ELSPBP1: variants seen among roughly 807,000 people sequenced by gnomAD.
The protein encoded by ELSPBP1 is epididymal sperm-binding protein 1.
Under a neutral mutation model 33.3 loss-of-function variants are expected in ELSPBP1, and 38 were observed. The observed-to-expected ratio is 1.14, with a 90% CI of 0.88 to 1.50. ELSPBP1 has a LOEUF of 1.50. Ranked by LOEUF, ELSPBP1 falls within the 40% of genes most tolerant of loss-of-function variation. The pLI is 0.00. For synonymous variants in ELSPBP1, 85 were observed against 94.1 expected (o/e 0.90, Z 0.56); for missense variants, 267 against 263.5 (o/e 1.01, Z -0.09).
chr19:48,007,591 G>A (rs1311691545), intron 1 of ELSPBP1, among the ~76,000 whole-genome samples: 1 of 152,216 alleles, frequency 6.6e-6, no homozygotes, highest in South Asian at 2.1e-4. Context: ...ATGGTCATCT[G>A]TCATCAAGGA....
rs78236830 is a variant in ELSPBP1, at chr19:48,017,240, G to A, written c.355+1201G>A. On this transcript the variant is annotated intron_variant, in intron 4 of 6. Coordinates refer to ENST00000339841, the MANE Select transcript of ELSPBP1 (RefSeq NM_022142.5). Reference sequence around the variant, plus strand: ...CAAAGATGTGTGAAGGCAGTTATTCGTAGGCATGCTTACTCTTGCGTAAAA... The same window carrying A: ...CAAAGATGTGTGAAGGCAGTTATTCATAGGCATGCTTACTCTTGCGTAAAA... Among the ~76,000 whole-genome samples the A allele has an allele frequency of 1.5e-3, 234 of 151,948 alleles. 2 individuals carry two copies. The East Asian group carries it at 0.031, about 20-fold the overall frequency.
chr19:48,020,983 T>C (rs1013997566), intron 5 of ELSPBP1, among the ~76,000 whole-genome samples: 1 of 152,170 alleles, frequency 6.6e-6, no homozygotes, highest in Non-Finnish European at 1.5e-5. Flanking sequence ...CAGCTGGTCA[T>C]GGGAGATGTG....
rs750126428 is a variant in ELSPBP1, at chr19:48,019,759, C to G, written c.396C>G (p.Pro132=). 1.2e-6 allele frequency: 2 copies of G among 1,614,038 alleles called. No homozygotes were observed. Among genetic ancestry groups the G allele is most frequent in the Non-Finnish European group, 1.7e-6 (2 of 1,179,992 alleles). The change falls in exon 5 of 7, where the codon CCC becomes CCG. Residue 132 remains proline (P), a synonymous_variant. Transcript: ENST00000339841. ...GNSLRKPCIF[P]SIYRNNVVSD... ...CTCTCAGGAAGCCCTGCATCTTCCC[C>G]TCCATCTACAGAAATAATGTGGTCT... is the stretch of plus-strand genomic sequence containing the variant.
chr19:48,009,991 T>TTTTG (rs1454244582), intron 2 of ELSPBP1, among the ~76,000 whole-genome samples: 5 of 152,100 alleles, frequency 3.3e-5, no homozygotes, highest in African/African-American at 9.7e-5. Flanking sequence ...GGAGAGGGTT[T>TTTTG]TTTGTTTGTT....
At chr19:47,998,337 G>A (rs950705145) in intron 1 of ELSPBP1, among the ~76,000 whole-genome samples, 4 of 151,830 alleles carry the variant, frequency 2.6e-5, no homozygotes, top group Admixed American at 2.0e-4. Flanking sequence ...GCTTGAACCG[G>A]GGGACAGAGG....
intron 1 of ELSPBP1, among the ~76,000 whole-genome samples, chr19:48,008,099 G>A (rs374312476): frequency 6.6e-6 from 1 of 152,250 alleles, no homozygotes; most frequent in African/African-American, 2.4e-5. Context: ...AGATGGTAGT[G>A]CCTGCTACAC....
chr19:48,001,693 C>G (rs1966969718), intron 1 of ELSPBP1, among the ~76,000 whole-genome samples: 2 of 151,918 alleles, frequency 1.3e-5, no homozygotes, highest in African/African-American at 4.8e-5. Context: ...CAGGCATGTG[C>G]CACCATGCTA....
At chr19:48,009,976 T>C (rs1383814532) in intron 2 of ELSPBP1, among the ~76,000 whole-genome samples, 1 of 152,142 alleles carries the variant, frequency 6.6e-6, no homozygotes, top group Non-Finnish European at 1.5e-5. Context: ...CTGGAGGACC[T>C]TGGAGGAGAG....
chr19:48,005,275 T>C (rs1047283789), intron 1 of ELSPBP1, among the ~76,000 whole-genome samples: 2 of 151,714 alleles, frequency 1.3e-5, no homozygotes, highest in African/African-American at 4.8e-5. Context: ...GGAGAGAGGC[T>C]GGAGGCTGCA....
chr19:47,999,387 C>CT (rs397937280), intron 1 of ELSPBP1, among the ~76,000 whole-genome samples: 24,856 of 129,682 alleles, frequency 0.19, 2,854 homozygotes, highest in Non-Finnish European at 0.23. Flanking sequence ...AGCCTCATTT[C>CT]TTTTTTTTTT....
chr19:47,996,533 G>T (rs1362953998), intron 1 of ELSPBP1, among the ~76,000 whole-genome samples: 1 of 152,110 alleles, frequency 6.6e-6, no homozygotes, highest in South Asian at 2.1e-4. Context: ...TGGGTGGAAG[G>T]ATGAATGGGT....
In ELSPBP1 at chr19:47,995,510, A is replaced by G. The variant is rs1568401739; in HGVS notation, c.-18+699A>G. Among the ~76,000 whole-genome samples the G allele has an allele frequency of 2.6e-5, 4 of 152,320 alleles. No individual in the cohort carries two copies. In the South Asian group the frequency reaches 8.3e-4, roughly 32 times the overall value. On this transcript the variant is annotated intron_variant, in intron 1 of 6. Transcript: ENST00000339841. ...CTATTTTAGGAAAAAGAAAGTTGAGATTCAAAAAGAGCTTACTGAGATCCT... is the reference window on the plus strand; with the variant it reads ...CTATTTTAGGAAAAAGAAAGTTGAGGTTCAAAAAGAGCTTACTGAGATCCT...
Position 48,011,500 on chromosome 19 carries a change from TAATGATGATGAC to T in ELSPBP1, c.71-2653_71-2642del, listed in dbSNP as rs1202937021. On this transcript the variant is annotated intron_variant, in intron 2 of 6. Transcript: ENST00000339841. This position sits in a 1 kb window ranked among gnomAD's most constrained non-coding sequence, Gnocchi z 4.5. The stretch of plus-strand genomic sequence containing the variant: ...GGTTGATGATAATGACAATGACTGA[TAATGATGATGAC>T]AATGATGATGACAATGACTGATAAT... 5.3e-5 allele frequency among the ~76,000 whole-genome samples: 8 copies of T among 151,664 alleles called. No individual in the cohort carries two copies. The highest frequency in any genetic ancestry group is 1.3e-4 in the Admixed American group (2 of 15,238).
chr19:48,000,839 A>G (rs763991849), intron 1 of ELSPBP1, among the ~76,000 whole-genome samples: 2 of 152,150 alleles, frequency 1.3e-5, no homozygotes, highest in African/African-American at 4.8e-5. Flanking sequence ...AACGATTAAT[A>G]TTTACAAAGC....
chr19:48,015,421 C>T (rs979823791), intron 3 of ELSPBP1, among the ~76,000 whole-genome samples: 7 of 152,124 alleles, frequency 4.6e-5, no homozygotes, highest in Non-Finnish European at 7.4e-5. Context: ...TTTGGGAGGC[C>T]GAGGCGGGTG....
chr19:48,017,931 A>G (rs530814416), intron 4 of ELSPBP1, among the ~76,000 whole-genome samples: 9 of 151,816 alleles, frequency 5.9e-5, no homozygotes, highest in African/African-American at 2.2e-4. Context: ...GGAGGAAAAG[A>G]AACATCACTT....
At chr19:48,020,179 TG>T (rs1237558230) in intron 5 of ELSPBP1, among the ~76,000 whole-genome samples, 4 of 152,034 alleles carry the variant, frequency 2.6e-5, no homozygotes, top group African/African-American at 9.7e-5. Flanking sequence ...GAGCCACGAA[TG>T]GTGGCTCACG....
At chr19:47,995,059 A>T (rs1019856051) in intron 1 of ELSPBP1, among the ~76,000 whole-genome samples, 1 of 152,234 alleles carries the variant, frequency 6.6e-6, no homozygotes, top group Non-Finnish European at 1.5e-5. Context: ...AATACAAATA[A>T]TTATTAATGA....
At chr19:48,015,703 C>T (rs564715227) in intron 3 of ELSPBP1, among the ~76,000 whole-genome samples, 190 bp from the exon 4 acceptor site, 6 of 152,036 alleles carry the variant, frequency 3.9e-5, no homozygotes, top group African/African-American at 1.2e-4. Flanking sequence ...TAAGTGGACC[C>T]GAGTTCAAAC....
Sources: gnomAD v4.1 joint callset for allele counts (sites outside exome capture counted in the v4.1 genomes callset) on GRCh38, gnomAD v4.1.1 for gene constraint, Gnocchi (gnomAD v3.1) non-coding constraint, MANE v1.5 for transcripts, NCBI Gene and HGNC (gene_info 2026-07-23, HGNC 2026-07-21) for gene names.